CREB5: variants seen among roughly 807,000 people sequenced by gnomAD.
CREB5 encodes the protein cAMP responsive element binding protein 5.
In CREB5, 19 loss-of-function variants were observed where a neutral mutation model predicts 57.1. The ratio of observed to expected loss-of-function variants is 0.33; its 90% CI spans 0.23 to 0.49. The LOEUF (loss-of-function observed/expected upper bound fraction) is 0.49, where lower values mean the gene tolerates loss of function less well. Ranked by LOEUF, CREB5 falls within the 20% of genes least tolerant of loss-of-function variation. The probability of loss-of-function intolerance (pLI) is 0.99; values close to 1 mark genes in which losing one functional copy is unlikely to be tolerated. For synonymous variants in CREB5, 238 were observed against 238.3 expected, an observed-to-expected ratio of 1.00 and a Z score of 0.01; for missense variants, 579 against 671.6, an observed-to-expected ratio of 0.86 and a Z score of 1.52.
Position 28,824,857 on chromosome 7 carries a change from T to A in CREB5, c.*5578T>A, listed in dbSNP as rs1265569698. On this transcript the variant is annotated 3_prime_UTR_variant, in exon 11 of 11. Coordinates refer to ENST00000357727, the MANE Select transcript of CREB5 (RefSeq NM_182898.4). The stretch of plus-strand genomic sequence containing the variant: ...AGATTAATACTCTTAAGTGGCACTC[T>A]GATACCTTTCCAACTTGTCATCAGA... 6.5e-6 allele frequency: 1 copy of A among 152,688 alleles called. No homozygotes were observed. Among genetic ancestry groups the A allele is most frequent in the Non-Finnish European group, 1.5e-5 (1 of 68,048 alleles). 9.5% of individuals were successfully genotyped at this position (152,688 alleles called of 1,614,324 possible). A position where few individuals can be genotyped will look rare whatever the true frequency, so the allele number is the denominator to read the frequency against.
intron 7 of CREB5, among the ~76,000 whole-genome samples, chr7:28,736,748 G>A (rs1273207685): frequency 4.6e-5 from 7 of 151,820 alleles, no homozygotes; most frequent in African/African-American, 1.5e-4. Flanking sequence ...AGGTGTGGAC[G>A]CATGGAAGCA....
chr7:28,460,563 G>C (rs1187206915), intron 1 of CREB5, among the ~76,000 whole-genome samples: 2 of 152,128 alleles, frequency 1.3e-5, no homozygotes, highest in African/African-American at 4.8e-5. Flanking sequence ...TTTCAGGAGG[G>C]TAAGGGCAAA....
intron 7 of CREB5, among the ~76,000 whole-genome samples, chr7:28,783,225 T>C (rs113039600): frequency 5.9e-5 from 9 of 152,316 alleles, no homozygotes; most frequent in African/African-American, 1.4e-4. Flanking sequence ...TAATATGCAA[T>C]GTCCACACTA....
At chr7:28,783,542 A>G (rs2237355) in intron 7 of CREB5, among the ~76,000 whole-genome samples, 102,380 of 152,058 alleles carry the variant, frequency 0.67, 34,785 homozygotes, top group African/African-American at 0.72. Context: ...ATTTGCTTAC[A>G]ATTAGGTTAT....
chr7:28,724,085 C>G (rs530816216), intron 6 of CREB5, 137 bp from the exon 7 acceptor site: 2 of 691,932 alleles, frequency 2.9e-6, no homozygotes, highest in Non-Finnish European at 4.7e-6. Flanking sequence ...CATTGCTTAC[C>G]ACACACCAAA....
chr7:28,630,876 C>G (rs1025048703), intron 5 of CREB5, among the ~76,000 whole-genome samples: 4 of 152,138 alleles, frequency 2.6e-5, no homozygotes, highest in Non-Finnish European at 2.9e-5. Flanking sequence ...TGACTACCTC[C>G]CTTGTATTCC....
chr7:28,354,607 A>G (rs1174409764), intron 1 of CREB5, among the ~76,000 whole-genome samples: 1 of 152,214 alleles, frequency 6.6e-6, no homozygotes, highest in African/African-American at 2.4e-5. Context: ...GACTAATACA[A>G]AAGGTTACAA....
chr7:28,506,700 TCTCAA>T (rs1224426597), intron 3 of CREB5, among the ~76,000 whole-genome samples: 1 of 152,212 alleles, frequency 6.6e-6, no homozygotes, highest in Non-Finnish European at 1.5e-5. Context: ...ATTTTATTTG[TCTCAA>T]CTCAAGTACA....
At chr7:28,474,419 G>A (rs1423214403) in intron 1 of CREB5, among the ~76,000 whole-genome samples, 3 of 152,186 alleles carry the variant, frequency 2.0e-5, no homozygotes, top group Non-Finnish European at 4.4e-5. Flanking sequence ...TGAAGTTAAG[G>A]CTTGCCCAGA....
chr7:28,495,429 C>G lies in CREB5; in HGVS notation c.169+430C>G, dbSNP rs544050698. ...TGGTGGGATGCACCTGCAATCCCAG[C>G]TACACGGGAGGCTGAGGCATGAGAA... On this transcript the variant is annotated intron_variant, in intron 3 of 10. Coordinates refer to ENST00000357727, the MANE Select transcript of CREB5 (RefSeq NM_182898.4). Among the ~76,000 whole-genome samples the G allele has an allele frequency of 2.0e-5, 3 of 151,828 alleles. No individual in the cohort carries two copies. The South Asian group carries it at 6.2e-4, about 32-fold the overall frequency.
intron 5 of CREB5, chr7:28,615,637 T>G (rs899692358): frequency 6.6e-6 from 1 of 152,374 alleles, no homozygotes; most frequent in Non-Finnish European, 1.5e-5. Context: ...CCACAAAACT[T>G]CATCCTTGAG....
rs77502134 is a variant in CREB5, at chr7:28,561,005, C to T, written c.292-9360C>T. Among the ~76,000 whole-genome samples, 71 of 26,902 alleles carry T rather than the reference C, an allele frequency of 2.6e-3. 3 individuals are homozygous for T. Among genetic ancestry groups the T allele is most frequent in the African/African-American group, 6.5e-3 (52 of 7,978 alleles). 17.6% of individuals were successfully genotyped at this position (26,902 alleles called of 152,430 possible). A position where few individuals can be genotyped will look rare whatever the true frequency, so the allele number is the denominator to read the frequency against. On this transcript the variant is annotated intron_variant, in intron 4 of 10. Transcript: ENST00000357727. ...GCGTGCGTGTGTGTGCCTGCGTGTG[C>T]GTGTGTGTGTGCGTGTGTGCGTGTG...
intron 1 of CREB5, among the ~76,000 whole-genome samples, chr7:28,396,645 T>G (rs1414192579): frequency 1.3e-5 from 2 of 152,144 alleles, no homozygotes; most frequent in Admixed American, 1.3e-4. Context: ...GGAAATATAT[T>G]TTTTTCTATA....
At position 28,405,604 on chromosome 7, in the gene CREB5, G is replaced by A. The variant is rs190624248; in HGVS notation, c.-24-89302G>A. ...ATTTTTAAAAACTTTTTGTAGAGAC[G>A]CTCAGGCTGTCTATGTTGCCCAAGC... On this transcript the variant is annotated intron_variant, in intron 1 of 9. Transcript: ENST00000396299. 1.2e-4 allele frequency among the ~76,000 whole-genome samples: 18 copies of A among 152,174 alleles called. No homozygotes were observed. The East Asian group carries it at 2.9e-3, about 25-fold the overall frequency.
chr7:28,763,249 T>C (rs542261398), intron 7 of CREB5, among the ~76,000 whole-genome samples: 2 of 152,322 alleles, frequency 1.3e-5, no homozygotes, highest in East Asian at 3.9e-4. Context: ...TGCCTCTGCA[T>C]CCTTAGTAGC....
intron 3 of CREB5, among the ~76,000 whole-genome samples, chr7:28,500,753 G>A (rs1428162048): frequency 6.6e-6 from 1 of 152,172 alleles, no homozygotes; most frequent in Non-Finnish European, 1.5e-5. Context: ...AAGCTGGAGG[G>A]AAGATGGCGT....
chr7:28,688,980 C>G (rs539515769), intron 5 of CREB5, among the ~76,000 whole-genome samples: 6 of 152,140 alleles, frequency 3.9e-5, no homozygotes, highest in African/African-American at 7.2e-5. Context: ...GCTGTGGCCT[C>G]TCCATGCCGG....
chr7:28,498,806 C>T (rs1240714185), intron 3 of CREB5, among the ~76,000 whole-genome samples: 1 of 152,082 alleles, frequency 6.6e-6, no homozygotes, highest in Non-Finnish European at 1.5e-5. Flanking sequence ...TTTATTTGGT[C>T]CACGTGATGC....
chr7:28,314,762 AC>A lies in CREB5; in HGVS notation c.-25+15322del, dbSNP rs1355224628. ...CAGTGTCTCTTTACTGAGACGCTTT[AC>A]TGAGACAGTTCTTCCCCAACTGGAT... On this transcript the variant is annotated intron_variant, in intron 1 of 9. Coordinates refer to the CREB5 transcript ENST00000396299. Among the ~76,000 whole-genome samples, 5 of 152,298 alleles carry A rather than the reference AC, an allele frequency of 3.3e-5. No homozygotes were observed. In the East Asian group the frequency reaches 9.6e-4, roughly 29 times the overall value.
Sources: allele counts gnomAD v4.1 joint callset (sites outside exome capture counted in the v4.1 genomes callset), GRCh38; gene constraint gnomAD v4.1.1; transcripts MANE v1.5; gene names NCBI Gene and HGNC (gene_info 2026-07-23, HGNC 2026-07-21).